The following EZR variants were observed in gnomAD, a reference collection of about 807,000 sequenced individuals.
EZR encodes the protein cytovillin 2.
In EZR, 40 loss-of-function variants were observed where a neutral mutation model predicts 74.8. That is an observed-to-expected ratio of 0.53 (90% confidence interval 0.42 to 0.70). EZR has a LOEUF of 0.70. Among genes scored for constraint, EZR ranks in the 30% least tolerant of loss-of-function variants. EZR has a pLI of 0.00. For missense variants in EZR, 678 were observed against 755.8 expected (o/e 0.90, Z 1.21); for synonymous variants, 341 against 283.3 (o/e 1.20, Z -2.05).
chr6:158,803,340 C>G (rs1346656598), intron 2 of EZR, among the ~76,000 whole-genome samples: 1 of 151,092 alleles, frequency 6.6e-6, no homozygotes, highest in Admixed American at 6.6e-5. Flanking sequence ...TTATCCTCGT[C>G]TGATGACCTT....
At chr6:158,771,128 G>A in intron 9 of EZR, 116 bp downstream of exon 9, 1 of 1,431,662 alleles carries the variant, frequency 7.0e-7, no homozygotes, top group Non-Finnish European at 9.4e-7. Flanking sequence ...CGTGGTGACT[G>A]GGTTCCATTC....
chr6:158,787,116 C>T lies in EZR; in HGVS notation c.184G>A (p.Asp62Asn), dbSNP rs200605144. 8.8e-5 allele frequency: 142 copies of T among 1,613,024 alleles called. No individual in the cohort carries two copies. The highest frequency in any genetic ancestry group is 1.2e-4 in the Non-Finnish European group (140 of 1,179,170). ...NKGFPTWLKL[D>N]KKVSAQEVRK... is the part of the protein sequence containing the mutation. Reference sequence around the variant, plus strand: ...AGTTAATCCTGACTTGCCTTCTTATCCAGCTTCAGCCAGGTAGGAAATCCT... The same window carrying T: ...AGTTAATCCTGACTTGCCTTCTTATTCAGCTTCAGCCAGGTAGGAAATCCT... The change falls in exon 4 of 14, where the codon GAT (aspartate) becomes AAT (asparagine). Residue 62 changes from aspartate (D) to asparagine (N), a missense_variant. Physicochemically the swap from Asp to Asn is conservative, Grantham distance 23. Transcript: ENST00000367075.
At chr6:158,795,435 G>A (rs3102997) in intron 2 of EZR, among the ~76,000 whole-genome samples, 79,436 of 151,396 alleles carry the variant, frequency 0.52, 21,733 homozygotes, top group Non-Finnish European at 0.61. Context: ...AAAAAAAATT[G>A]TATTTGTGTT....
intron 5 of EZR, among the ~76,000 whole-genome samples, chr6:158,785,004 T>C (rs1377299273): frequency 6.6e-6 from 1 of 152,222 alleles, no homozygotes; most frequent in African/African-American, 2.4e-5. Context: ...TGACCATTAC[T>C]AAATAAAAAC....
intron 2 of EZR, among the ~76,000 whole-genome samples, chr6:158,796,056 C>G (rs1336523761): frequency 6.6e-6 from 1 of 152,178 alleles, no homozygotes; most frequent in Non-Finnish European, 1.5e-5. Flanking sequence ...GGTGTAAGTA[C>G]CCCCTGAAGG....
chr6:158,798,789 C>T (rs550956531), intron 2 of EZR, among the ~76,000 whole-genome samples: 95 of 152,094 alleles, frequency 6.2e-4, no homozygotes, highest in African/African-American at 2.2e-3. Flanking sequence ...CCACCACAGC[C>T]GGCTAATTTT....
chr6:158,790,443 G>A (rs1241912552), intron 2 of EZR, among the ~76,000 whole-genome samples: 1 of 152,256 alleles, frequency 6.6e-6, no homozygotes, highest in Non-Finnish European at 1.5e-5. Context: ...GGGAGGCCGA[G>A]GCAGGTGGAC....
rs1339119500 is a variant in EZR at position 158,770,745 on chromosome 6, C to T, written c.1090+19G>A. On this transcript the variant is annotated intron_variant, in intron 10 of 13. Transcript: ENST00000367075. The stretch of plus-strand genomic sequence containing the variant: ...AAATGCATGACCCAGTGTAGAGTGC[C>T]AGCCCCAGGGCGCCTGACCTCTCTC... The T allele has an allele frequency of 6.2e-7, 1 of 1,613,920 alleles. No homozygotes were observed. The highest frequency in any genetic ancestry group is 8.5e-7 in the Non-Finnish European group (1 of 1,180,002).
rs560028841 is a variant in EZR, at chr6:158,768,088, T to C, written c.1345-576A>G. On this transcript the variant is annotated intron_variant, in intron 12 of 13. Coordinates refer to ENST00000367075, the MANE Select transcript of EZR (RefSeq NM_001111077.2). Reference sequence around the variant, plus strand: ...CCCACCCAAATCTCATCTCCACCTGTAATCCCCCCATGCTGGGGGTGGGGG... The same window carrying C: ...CCCACCCAAATCTCATCTCCACCTGCAATCCCCCCATGCTGGGGGTGGGGG... Among the ~76,000 whole-genome samples the C allele has an allele frequency of 1.2e-4, 18 of 152,086 alleles. No individual in the cohort carries two copies. In the South Asian group the frequency reaches 3.3e-3, roughly 28 times the overall value.
At chr6:158,800,937 CTCT>C (rs1777174954) in intron 2 of EZR, among the ~76,000 whole-genome samples, 1 of 152,156 alleles carries the variant, frequency 6.6e-6, no homozygotes, top group Non-Finnish European at 1.5e-5. Context: ...TTTATATGAC[CTCT>C]TCTTTTAAGG....
chr6:158,790,686 CAAAA>C (rs148357534), intron 2 of EZR, among the ~76,000 whole-genome samples: 1 of 113,148 alleles, frequency 8.8e-6, no homozygotes, highest in Non-Finnish European at 2.1e-5. Context: ...AACAAACAAA[CAAAA>C]AAAACCCACC....
intron 2 of EZR, among the ~76,000 whole-genome samples, chr6:158,791,040 C>A (rs1791730230): frequency 6.6e-6 from 1 of 152,200 alleles, no homozygotes; most frequent in Non-Finnish European, 1.5e-5. Context: ...ATTAAGCACT[C>A]ACCAAATGTC....
intron 2 of EZR, among the ~76,000 whole-genome samples, chr6:158,794,225 G>C (rs1777009002): frequency 6.6e-6 from 1 of 152,148 alleles, no homozygotes; most frequent in Non-Finnish European, 1.5e-5. Flanking sequence ...AGCTTGCAGT[G>C]AGCAAGATCG....
chr6:158,807,724 T>C (rs1777373617), intron 2 of EZR, among the ~76,000 whole-genome samples: 2 of 152,172 alleles, frequency 1.3e-5, no homozygotes, highest in South Asian at 2.1e-4. Flanking sequence ...CACCACCCCC[T>C]GACGATGTAT....
At position 158,771,269 on chromosome 6, in the gene EZR, C is replaced by T; in HGVS notation, c.934G>A (p.Glu312Lys). 1 of 1,613,802 alleles carries T rather than the reference C, an allele frequency of 6.2e-7. No homozygotes were observed. Among genetic ancestry groups the T allele is most frequent in the Non-Finnish European group, 8.5e-7 (1 of 1,179,814 alleles). Residue 312 changes from glutamate (E) to lysine (K), a missense_variant, in exon 9 of 14, where the codon GAG becomes AAG. Glu to Lys is a moderately conservative substitution (Grantham distance 56). Around this residue, in one of 3 missense-constraint regions of EZR, gnomAD observed 119 missense variants for 182.3 expected, o/e 0.65. Transcript: ENST00000367075. ...VQQMKAQAREEKHQKQLERQQ... is the reference protein window; with the variant it reads ...VQQMKAQAREKKHQKQLERQQ... Reference sequence around the variant, plus strand: ...CGCTCCAGCTGCTTCTGATGCTTCTCCTCCCGGGCCTGGGCCTTCATCTGC... The same window carrying T: ...CGCTCCAGCTGCTTCTGATGCTTCTTCTCCCGGGCCTGGGCCTTCATCTGC...
chr6:158,772,544 G>A (rs977357308), intron 8 of EZR, among the ~76,000 whole-genome samples: 3 of 152,232 alleles, frequency 2.0e-5, no homozygotes, highest in African/African-American at 7.2e-5. Context: ...AACCAGAGGA[G>A]CCTCCTGGAA....
intron 2 of EZR, among the ~76,000 whole-genome samples, chr6:158,791,832 C>T (rs1003456848): frequency 6.7e-6 from 1 of 149,750 alleles, no homozygotes; most frequent in Admixed American, 6.8e-5. Context: ...CCTTAGCCTC[C>T]CGAGTAGCTG....
chr6:158,783,761 T>C, intron 6 of EZR, 95 bp from the exon 7 acceptor site: 2 of 1,336,432 alleles, frequency 1.5e-6, no homozygotes, highest in Non-Finnish European at 2.1e-6. Context: ...AGGCGCCTTG[T>C]GTAGGATGGG....
At chr6:158,768,393 G>A (rs898413922) in intron 12 of EZR, among the ~76,000 whole-genome samples, 1 of 151,240 alleles carries the variant, frequency 6.6e-6, no homozygotes, top group Non-Finnish European at 1.5e-5. Flanking sequence ...TATAGCCGTT[G>A]TGAGAACAGC....
Sources: allele counts gnomAD v4.1 joint callset (sites outside exome capture counted in the v4.1 genomes callset), GRCh38; gene constraint gnomAD v4.1.1; regional missense constraint gnomAD v4.1.1; transcripts MANE v1.5; gene names NCBI Gene and HGNC (gene_info 2026-07-23, HGNC 2026-07-21).